The following PALM2AKAP2 variants were observed in gnomAD, a reference collection of about 807,000 sequenced individuals.
The protein encoded by PALM2AKAP2 is PALM2 and AKAP2 fusion, also known as PALM2-AKAP2 fusion protein.
PALM2AKAP2 carries 37 observed loss-of-function variants against 71.5 expected under a neutral mutation model. The ratio of observed to expected loss-of-function variants is 0.52; its 90% CI spans 0.40 to 0.68. PALM2AKAP2 has a LOEUF of 0.68. PALM2AKAP2 is among the 30% of genes least tolerant of loss of function. The pLI, the probability that PALM2AKAP2 is intolerant of heterozygous loss-of-function variation, is 0.00. For missense variants in PALM2AKAP2, 1,224 were observed against 1,191.8 expected, an observed-to-expected ratio of 1.03 and a Z score of -0.40; for synonymous variants, 468 against 478.8, an observed-to-expected ratio of 0.98 and a Z score of 0.29.
chr9:109,958,145 GA>G (rs78227165), intron 6 of PALM2AKAP2, among the ~76,000 whole-genome samples: 8,029 of 142,692 alleles, frequency 0.056, 316 homozygotes, highest in Admixed American at 0.12. Context: ...GCAGTTGATT[GA>G]AAAAAAAAAA....
chr9:109,903,199 G>C (rs1221752576), intron 3 of PALM2AKAP2, among the ~76,000 whole-genome samples: 1 of 152,122 alleles, frequency 6.6e-6, no homozygotes, highest in Non-Finnish European at 1.5e-5. Context: ...GGAGCATGCT[G>C]TGCGGGGTCT....
At chr9:109,887,521 A>G (rs995549843) in intron 3 of PALM2AKAP2, among the ~76,000 whole-genome samples, 1 of 152,154 alleles carries the variant, frequency 6.6e-6, no homozygotes, top group Non-Finnish European at 1.5e-5. Context: ...ATATTGTGTA[A>G]TATTTCCTGT....
At chr9:109,886,732 G>A (rs961635462) in intron 3 of PALM2AKAP2, among the ~76,000 whole-genome samples, 2 of 152,204 alleles carry the variant, frequency 1.3e-5, no homozygotes, top group African/African-American at 4.8e-5. Context: ...TGAGGAGTTG[G>A]TTAGAGATCT....
At position 109,969,088 on chromosome 9, in the gene PALM2AKAP2, G is replaced by GCACACACACACA. The variant is rs34057385; in HGVS notation, c.496+37074_496+37085dup. Among the ~76,000 whole-genome samples, 873 of 149,694 alleles carry GCACACACACACA rather than the reference G, an allele frequency of 5.8e-3. 4 individuals are homozygous for GCACACACACACA. The highest frequency in any genetic ancestry group is 0.017 in the African/African-American group (674 of 40,736). ...TTCCTGCACCTCTACAAATGTGCGTGCACACACACACACACACACACACAC... is the reference window on the plus strand; with the variant it reads ...TTCCTGCACCTCTACAAATGTGCGTGCACACACACACACACACACACACACACACACACACAC... On this transcript the variant is annotated intron_variant, in intron 6 of 9. Transcript: ENST00000302798.
intron 1 of PALM2AKAP2, among the ~76,000 whole-genome samples, chr9:109,788,123 A>G (rs80018717): frequency 0.043 from 6,478 of 152,318 alleles, 196 homozygotes; most frequent in Non-Finnish European, 0.064. Context: ...TAGATAGGTA[A>G]TTGCTCTCTA....
chr9:109,740,428 G>C (rs1397916414), intron 1 of PALM2AKAP2, among the ~76,000 whole-genome samples: 1 of 152,178 alleles, frequency 6.6e-6, no homozygotes, highest in African/African-American at 2.4e-5. Flanking sequence ...ATTTTGTGTA[G>C]AGACCTGATG....
intron 6 of PALM2AKAP2, among the ~76,000 whole-genome samples, chr9:109,960,188 T>A (rs1831827191): frequency 6.6e-6 from 1 of 152,140 alleles, no homozygotes; most frequent in Non-Finnish European, 1.5e-5. Context: ...CTTGGAATCA[T>A]GTCCCTCTTC....
chr9:110,132,381 T>G (rs1831117), intron 1 of PALM2AKAP2, among the ~76,000 whole-genome samples: 72,723 of 150,758 alleles, frequency 0.48, 17,781 homozygotes, highest in African/African-American at 0.57. Flanking sequence ...TTCTTTTTGA[T>G]ACCAAGCCTC....
intron 6 of PALM2AKAP2, among the ~76,000 whole-genome samples, chr9:109,949,594 T>C (rs1363154637): frequency 6.6e-6 from 1 of 152,196 alleles, no homozygotes; most frequent in Non-Finnish European, 1.5e-5. Context: ...TGGGGAGTCC[T>C]ATAGCACTAG....
intron 1 of PALM2AKAP2, among the ~76,000 whole-genome samples, chr9:109,769,075 G>A (rs1829212019): frequency 6.6e-6 from 1 of 152,074 alleles, no homozygotes; most frequent in South Asian, 2.1e-4. Context: ...ACTTGCATTA[G>A]TTTGTTTCTG....
intron 1 of PALM2AKAP2, among the ~76,000 whole-genome samples, chr9:109,843,765 C>T (rs1240098954): frequency 6.6e-6 from 1 of 152,170 alleles, no homozygotes; most frequent in Non-Finnish European, 1.5e-5. Flanking sequence ...AACTAGCTGG[C>T]AGCACTACCT....
chr9:109,741,296 C>T (rs1002271506), intron 1 of PALM2AKAP2, among the ~76,000 whole-genome samples: 5 of 152,154 alleles, frequency 3.3e-5, no homozygotes, highest in East Asian at 1.9e-4. Context: ...AAATATCCAT[C>T]GTTCATTGCT....
chr9:110,083,072 C>T (rs149180199), intron 1 of PALM2AKAP2, among the ~76,000 whole-genome samples: 5,724 of 152,086 alleles, frequency 0.038, 356 homozygotes, highest in African/African-American at 0.12. Context: ...ACCTGGGAGG[C>T]GGAGGTTGTG....
chr9:110,136,310 C>T (rs1436908968), exon 2 of PALM2AKAP2: 3 of 1,614,046 alleles, frequency 1.9e-6, no homozygotes, highest in East Asian at 2.2e-5. Flanking sequence ...TCCCATGGAC[C>T]ATCCCTCCGC....
intron 1 of PALM2AKAP2, among the ~76,000 whole-genome samples, chr9:109,660,424 C>A (rs1355845853): frequency 6.6e-6 from 1 of 152,032 alleles, no homozygotes; most frequent in Non-Finnish European, 1.5e-5. Context: ...TCAGTTCCCA[C>A]CTGTGAGTGA....
intron 5 of PALM2AKAP2, among the ~76,000 whole-genome samples, 195 bp downstream of exon 5, chr9:109,925,277 T>A (rs1830930467): frequency 6.6e-6 from 1 of 152,184 alleles, no homozygotes; most frequent in South Asian, 2.1e-4. Flanking sequence ...AGGAACTATC[T>A]CTTGGCTCAC....
rs2131958303 is a variant in PALM2AKAP2 at position 109,923,861 on chromosome 9, C to A, written c.372+12C>A. 6.4e-7 allele frequency: 1 copy of A among 1,562,848 alleles called. No homozygotes were observed. The highest frequency in any genetic ancestry group is 1.2e-5 in the South Asian group (1 of 82,060). Reference sequence around the variant, plus strand: ...AGGACTTTCAGAAGGTGAAGAAAACCAAAACGATTTCTCAAAGTTATTTCC... The same window carrying A: ...AGGACTTTCAGAAGGTGAAGAAAACAAAAACGATTTCTCAAAGTTATTTCC... On this transcript the variant is annotated intron_variant, in intron 4 of 9. Transcript: ENST00000302798.
chr9:110,004,642 T>C (rs937283620), intron 6 of PALM2AKAP2, among the ~76,000 whole-genome samples: 1 of 152,250 alleles, frequency 6.6e-6, no homozygotes, highest in African/African-American at 2.4e-5. Context: ...CTTGGTTCCA[T>C]TCTCCCTGTC....
chr9:110,156,391 C>T, exon 3 of PALM2AKAP2: 1 of 1,612,904 alleles, frequency 6.2e-7, no homozygotes, highest in South Asian at 1.1e-5. Flanking sequence ...GACTTAGCCC[C>T]TGAAGAGGCT....
Sources: gnomAD v4.1 joint callset for allele counts (sites outside exome capture counted in the v4.1 genomes callset) on GRCh38, gnomAD v4.1.1 for gene constraint, MANE v1.5 for transcripts, NCBI Gene and HGNC (gene_info 2026-07-23, HGNC 2026-07-21) for gene names.